RALGPS2: variants seen among roughly 807,000 people sequenced by gnomAD.
RALGPS2 encodes Ral GEF with PH domain and SH3 binding motif 2, also known as ras-specific guanine nucleotide-releasing factor RalGPS2.
In RALGPS2, 43 loss-of-function variants were observed where a neutral mutation model predicts 86.8. That is an observed-to-expected ratio of 0.50 (90% CI 0.39 to 0.64). RALGPS2 has a LOEUF of 0.64. RALGPS2 is among the 30% of genes least tolerant of loss of function. The probability of loss-of-function intolerance (pLI) is 0.00; values close to 1 mark genes in which losing one functional copy is unlikely to be tolerated. For synonymous variants in RALGPS2, 243 were observed against 231.3 expected (o/e 1.05, Z -0.46); for missense variants, 536 against 694.6 (o/e 0.77, Z 2.57).
intron 1 of RALGPS2, among the ~76,000 whole-genome samples, chr1:178,734,204 A>G (rs1287374764): frequency 1.3e-5 from 2 of 152,236 alleles, no homozygotes; most frequent in Non-Finnish European, 2.9e-5. Context: ...AAAAAGTTAG[A>G]TAATAAGTGT....
intron 8 of RALGPS2, among the ~76,000 whole-genome samples, chr1:178,851,773 C>T (rs1319756167): frequency 6.6e-6 from 1 of 152,118 alleles, no homozygotes; most frequent in Non-Finnish European, 1.5e-5. Flanking sequence ...TCTATCTCTC[C>T]TCTTTTCTCG....
intron 1 of RALGPS2, among the ~76,000 whole-genome samples, chr1:178,742,290 T>TAGG (rs1221597129): frequency 1.3e-5 from 2 of 152,036 alleles, no homozygotes; most frequent in African/African-American, 4.8e-5. Flanking sequence ...ATGCTCGCAA[T>TAGG]AGTCAAAAGA....
At chr1:178,828,354 T>C (rs951986281) in intron 7 of RALGPS2, among the ~76,000 whole-genome samples, 5 of 152,322 alleles carry the variant, frequency 3.3e-5, no homozygotes, top group Admixed American at 1.3e-4. Context: ...CTAGGCTATA[T>C]GGTACAGCCT....
intron 8 of RALGPS2, among the ~76,000 whole-genome samples, chr1:178,867,015 G>A (rs1210035728): frequency 1.3e-5 from 2 of 151,996 alleles, no homozygotes; most frequent in African/African-American, 2.4e-5. Context: ...TCACTCTTGC[G>A]AACTTCATAC....
chr1:178,835,925 T>C (rs1192909575), intron 8 of RALGPS2, among the ~76,000 whole-genome samples: 1 of 152,222 alleles, frequency 6.6e-6, no homozygotes, highest in African/African-American at 2.4e-5. Flanking sequence ...ATTTCATAAT[T>C]TGTATCTTCT....
intron 1 of RALGPS2, among the ~76,000 whole-genome samples, chr1:178,733,300 A>C (rs1650500422): frequency 6.6e-6 from 1 of 152,226 alleles, no homozygotes; most frequent in Non-Finnish European, 1.5e-5. Flanking sequence ...ACACTGGAAA[A>C]GGTGTTTGCA....
chr1:178,919,350 T>C lies in RALGPS2; in HGVS notation c.*2991T>C, dbSNP rs558012539. 6.6e-6 allele frequency: 1 copy of C among 152,176 alleles called. No individual in the cohort carries two copies. Among genetic ancestry groups the C allele is most frequent in the African/African-American group, 2.4e-5 (1 of 41,566 alleles). 9.4% of individuals were successfully genotyped at this position (152,176 alleles called of 1,614,324 possible). On this transcript the variant is annotated 3_prime_UTR_variant, in exon 20 of 20. Transcript: ENST00000367635. ...CTGTGTGGAAAATGCCATGTAACTA[T>C]TGCACTACCTTCTGTGTGGACTGTG...
At chr1:178,798,501 T>C (rs1444565484) in intron 4 of RALGPS2, among the ~76,000 whole-genome samples, 2 of 152,214 alleles carry the variant, frequency 1.3e-5, no homozygotes, top group African/African-American at 4.8e-5. Flanking sequence ...GAAGTGCTTC[T>C]AAGAAGCAGA....
chr1:178,907,490 A>G (rs1230238558), intron 19 of RALGPS2, among the ~76,000 whole-genome samples: 2 of 152,220 alleles, frequency 1.3e-5, no homozygotes, highest in Admixed American at 1.3e-4. Context: ...TATTTTACTG[A>G]AACAAAAATG....
chr1:178,816,442 T>C (rs537031661), intron 6 of RALGPS2, among the ~76,000 whole-genome samples: 35 of 152,346 alleles, frequency 2.3e-4, no homozygotes, highest in African/African-American at 7.7e-4. Flanking sequence ...GTTTGTCTTA[T>C]CAAGTTGTAG....
At chr1:178,793,866 T>G (rs986431580) in intron 4 of RALGPS2, among the ~76,000 whole-genome samples, 8 of 152,114 alleles carry the variant, frequency 5.3e-5, no homozygotes, top group African/African-American at 1.7e-4. Context: ...AAACAGGAGT[T>G]TTTTCCTTCC....
At chr1:178,798,092 C>G (rs1252210496) in intron 4 of RALGPS2, among the ~76,000 whole-genome samples, 1 of 150,748 alleles carries the variant, frequency 6.6e-6, no homozygotes, top group Non-Finnish European at 1.5e-5. Context: ...TCTATTTTGT[C>G]TTTTACTACC....
At chr1:178,802,335 C>T (rs926692592) in intron 4 of RALGPS2, among the ~76,000 whole-genome samples, 3 of 152,130 alleles carry the variant, frequency 2.0e-5, no homozygotes, top group Non-Finnish European at 4.4e-5. Flanking sequence ...GGACCTCAGT[C>T]TATGGTACAT....
intron 1 of RALGPS2, among the ~76,000 whole-genome samples, chr1:178,741,969 C>G (rs1360250118): frequency 6.6e-6 from 1 of 151,754 alleles, no homozygotes; most frequent in African/African-American, 2.4e-5. Context: ...GACCCTGTCT[C>G]TACCAAAAAT....
chr1:178,901,768 A>G (rs1162341688), intron 17 of RALGPS2, among the ~76,000 whole-genome samples: 2 of 152,030 alleles, frequency 1.3e-5, no homozygotes, highest in East Asian at 1.9e-4. Context: ...CTAAAATGCA[A>G]ATGTCCTTCC....
chr1:178,725,561 G>T (rs941572630), intron 1 of RALGPS2, 142 bp downstream of exon 1: 2 of 151,934 alleles, frequency 1.3e-5, no homozygotes, highest in African/African-American at 2.4e-5. Flanking sequence ...GGGGCTGCTC[G>T]CCCTGCGCGC....
chr1:178,915,775 G>C (rs1308796051), intron 19 of RALGPS2, among the ~76,000 whole-genome samples: 1 of 152,180 alleles, frequency 6.6e-6, no homozygotes, highest in Non-Finnish European at 1.5e-5. Context: ...ACCTCTCCCA[G>C]TATTTTGGAA....
At chr1:178,776,856 T>C in intron 2 of RALGPS2, 35 bp downstream of exon 2, 1 of 1,558,972 alleles carries the variant, frequency 6.4e-7, no homozygotes, top group South Asian at 1.1e-5. Context: ...GTAAAGTTTC[T>C]TACCTGGCTT....
chr1:178,773,654 GGCGTGGTGGCGGGCGCCTGTAGT>G, intron 1 of RALGPS2, among the ~76,000 whole-genome samples: 1 of 152,086 alleles, frequency 6.6e-6, no homozygotes, highest in African/African-American at 2.4e-5. Flanking sequence ...AAATTAGCCG[GGCGTGGTGGCGGGCGCCTGTAGT>G]CCCAGCTACT....
Sources: gnomAD v4.1 joint callset for allele counts (sites outside exome capture counted in the v4.1 genomes callset) on GRCh38, gnomAD v4.1.1 for gene constraint, MANE v1.5 for transcripts, NCBI Gene and HGNC (gene_info 2026-07-23, HGNC 2026-07-21) for gene names.